Variants in UTP6 observed in about 807,000 individuals in gnomAD.
UTP6 encodes the protein U3 small nucleolar RNA-associated protein 6 homolog.
Under a neutral mutation model 96.5 loss-of-function variants are expected in UTP6, and 60 were observed. The observed-to-expected ratio is 0.62, with a 90% confidence interval of 0.51 to 0.77. The LOEUF is 0.77. Ranked by LOEUF, UTP6 falls within the 30% of genes least tolerant of loss-of-function variation. The pLI, the probability that UTP6 is intolerant of heterozygous loss-of-function variation, is 0.00. For synonymous variants in UTP6, 215 were observed against 240.1 expected (o/e 0.90, Z 0.96); for missense variants, 637 against 706.5 (o/e 0.90, Z 1.12).
intron 10 of UTP6, among the ~76,000 whole-genome samples, chr17:31,882,665 C>G (rs1285248852): frequency 6.6e-6 from 1 of 152,216 alleles, no homozygotes; most frequent in Non-Finnish European, 1.5e-5. Context: ...GCACAACCTA[C>G]TCCTCTCTCA....
intron 4 of UTP6, among the ~76,000 whole-genome samples, chr17:31,894,268 C>CAA (rs1179270340): frequency 1.1e-4 from 7 of 62,950 alleles, no homozygotes; most frequent in Admixed American, 3.6e-4. Context: ...GACCTTATCT[C>CAA]AAAAAAAAAA....
In UTP6 at chr17:31,863,485, C is replaced by A; in HGVS notation, c.1668G>T (p.Leu556Phe). The change falls in exon 19 of 19, where the codon TTG (leucine) becomes TTT (phenylalanine). Residue 556 changes from leucine (L) to phenylalanine (F), a missense_variant. By Grantham distance (22) the Leu-to-Phe change is conservative. Transcript: ENST00000261708. ...TCTCAGGTCTACCAAGGGGGTGGTTCAATTCTTCTTTCATATAATCCATCC... is the reference window on the plus strand; with the variant it reads ...TCTCAGGTCTACCAAGGGGGTGGTTAAATTCTTCTTTCATATAATCCATCC... ...DLWMDYMKEE[L>F]NHPLGRPENC... The A allele has an allele frequency of 6.2e-7, 1 of 1,611,442 alleles. No individual in the cohort carries two copies. The highest frequency in any genetic ancestry group is 8.5e-7 in the Non-Finnish European group (1 of 1,179,158).
At chr17:31,901,234 C>T in intron 1 of UTP6, 1 of 381,558 alleles carries the variant, frequency 2.6e-6, no homozygotes. Context: ...TTGTCTGTCT[C>T]CCCCACCACA....
chr17:31,867,545 C>T (rs1255147274), intron 17 of UTP6, among the ~76,000 whole-genome samples: 1 of 151,244 alleles, frequency 6.6e-6, no homozygotes, highest in Admixed American at 6.6e-5. Context: ...GTTTTCTATT[C>T]CCCAAACATA....
At chr17:31,897,278 T>C (rs1904706325) in intron 2 of UTP6, among the ~76,000 whole-genome samples, 3 of 151,392 alleles carry the variant, frequency 2.0e-5, no homozygotes, top group African/African-American at 7.3e-5. Context: ...GAGTGTATTA[T>C]TTGGAAAAAA....
chr17:31,901,500 C>T, intron 1 of UTP6, 36 bp downstream of exon 1: 1 of 1,606,502 alleles, frequency 6.2e-7, no homozygotes, highest in Non-Finnish European at 8.5e-7. Flanking sequence ...CCCCTCAGGC[C>T]GCCTCAGCTC....
Position 31,880,593 on chromosome 17 carries a change from G to A in UTP6, c.947C>T (p.Ala316Val). The stretch of plus-strand genomic sequence containing the variant: ...TTCACCTGTTGGCAGAGTCTTCACT[G>A]CCTCTTCATACACAGCACAGCACCT... ...EERCCAVYEE[A>V]VKTLPTEAMW... Residue 316 changes from alanine to valine, a missense_variant, in exon 11 of 19, where the codon GCA becomes GTA. Ala to Val is a moderately conservative substitution (Grantham distance 64). Coordinates refer to ENST00000261708, the MANE Select transcript of UTP6 (RefSeq NM_018428.3). The A allele has an allele frequency of 6.2e-7, 1 of 1,614,076 alleles. No individual in the cohort carries two copies. The highest frequency in any genetic ancestry group is 8.5e-7 in the Non-Finnish European group (1 of 1,179,992).
intron 5 of UTP6, 63 bp downstream of exon 5, chr17:31,892,684 G>T (rs77772425): frequency 0.031 from 50,090 of 1,602,120 alleles, 901 homozygotes; most frequent in Middle Eastern, 0.047. Context: ...CTGGCATGAA[G>T]CTTAAAGGGC....
intron 14 of UTP6, chr17:31,874,085 T>G: frequency 4.0e-6 from 1 of 251,610 alleles, no homozygotes; most frequent in Non-Finnish European, 7.5e-6. Flanking sequence ...AAATATTTCA[T>G]GTAGTTATCA....
intron 2 of UTP6, 48 bp downstream of exon 2, chr17:31,899,598 A>T: frequency 6.8e-7 from 1 of 1,467,276 alleles, no homozygotes; most frequent in Non-Finnish European, 9.2e-7. Context: ...CCATCTCACC[A>T]AAAAACAAAA....
At chr17:31,900,017 G>A (rs1904878413) in intron 1 of UTP6, among the ~76,000 whole-genome samples, 1 of 151,694 alleles carries the variant, frequency 6.6e-6, no homozygotes, top group Non-Finnish European at 1.5e-5. Context: ...GGTGGTGCGT[G>A]CCTGTAGTCC....
intron 7 of UTP6, among the ~76,000 whole-genome samples, chr17:31,888,912 A>C (rs1029366076): frequency 2.6e-5 from 4 of 151,672 alleles, no homozygotes; most frequent in Non-Finnish European, 4.4e-5. Context: ...CCTAATAAAA[A>C]ATACAAAAAT....
At chr17:31,878,115 T>G in intron 13 of UTP6, 135 bp downstream of exon 13, 1 of 780,782 alleles carries the variant, frequency 1.3e-6, no homozygotes, top group East Asian at 2.7e-5. Flanking sequence ...GAAACACATA[T>G]AAACACACTT....
At chr17:31,868,331 T>TTG (rs1555572817) in intron 16 of UTP6, among the ~76,000 whole-genome samples, 4 of 143,686 alleles carry the variant, frequency 2.8e-5, no homozygotes, top group Admixed American at 7.0e-5. Flanking sequence ...TTTGGTTTTT[T>TTG]TTTTTTTTTT....
intron 4 of UTP6, among the ~76,000 whole-genome samples, chr17:31,893,549 T>TGGTGA (rs957852460): frequency 1.3e-5 from 2 of 149,880 alleles, no homozygotes; most frequent in African/African-American, 2.5e-5. Context: ...CTGGCCAAGA[T>TGGTGA]GGTGAAACCC....
chr17:31,889,144 A>C, intron 7 of UTP6, 141 bp downstream of exon 7: 2 of 537,862 alleles, frequency 3.7e-6, no homozygotes, highest in Non-Finnish European at 6.5e-6. Flanking sequence ...AAAAATAGCC[A>C]GGTATGGTGG....
intron 16 of UTP6, among the ~76,000 whole-genome samples, chr17:31,871,413 C>T (rs974418657): frequency 3.3e-5 from 5 of 152,034 alleles, no homozygotes; most frequent in Admixed American, 1.3e-4. Context: ...CTTGAACCAC[C>T]GTGCCCAGCT....
At position 31,899,703 on chromosome 17, in the gene UTP6, T is replaced by C; in HGVS notation, c.120A>G (p.Leu40=). 2 of 1,602,628 alleles carry C rather than the reference T, an allele frequency of 1.2e-6. No individual in the cohort carries two copies. The highest frequency in any genetic ancestry group is 1.7e-6 in the Non-Finnish European group (2 of 1,174,310). Reference sequence around the variant, plus strand: ...GGGTTCTTCTCTGGATTTTGTACTCTAGATCGGAAGCCTTCTTAATGATAG... The same window carrying C: ...GGGTTCTTCTCTGGATTTTGTACTCCAGATCGGAAGCCTTCTTAATGATAG... ...IKAIIKKASD[L]EYKIQRRTLF... is the part of the protein sequence containing the mutation. The change falls in exon 2 of 19, where the codon CTA becomes CTG. Residue 40 remains leucine (L), a synonymous_variant. Coordinates refer to ENST00000261708, the MANE Select transcript of UTP6 (RefSeq NM_018428.3).
In UTP6 at chr17:31,899,701, T is replaced by C. The variant is rs751002439; in HGVS notation, c.122A>G (p.Glu41Gly). 1 of 1,603,026 alleles carries C rather than the reference T, an allele frequency of 6.2e-7. No individual in the cohort carries two copies. Among genetic ancestry groups the C allele is most frequent in the East Asian group, 2.2e-5 (1 of 44,512 alleles). Reference protein sequence around the residue: ...KAIIKKASDLEYKIQRRTLFK... With the variant: ...KAIIKKASDLGYKIQRRTLFK... Reference sequence around the variant, plus strand: ...AAGGGTTCTTCTCTGGATTTTGTACTCTAGATCGGAAGCCTTCTTAATGAT... The same window carrying C: ...AAGGGTTCTTCTCTGGATTTTGTACCCTAGATCGGAAGCCTTCTTAATGAT... The change falls in exon 2 of 19, where the codon GAG (glutamate) becomes GGG (glycine). Residue 41 changes from glutamate (E) to glycine (G), a missense_variant. Transcript: ENST00000261708.
Sources: gnomAD v4.1 joint callset for allele counts (sites outside exome capture counted in the v4.1 genomes callset) on GRCh38, gnomAD v4.1.1 for gene constraint, MANE v1.5 for transcripts, NCBI Gene and HGNC (gene_info 2026-07-23, HGNC 2026-07-21) for gene names.